Variants in ASAP1 observed in about 807,000 individuals in gnomAD.
ASAP1 encodes arf-GAP with SH3 domain, ANK repeat and PH domain-containing protein 1.
In ASAP1, 43 loss-of-function variants were observed where a neutral mutation model predicts 145.2. That is an observed-to-expected ratio of 0.30 (90% CI 0.23 to 0.38). The LOEUF is 0.38. Ranked by LOEUF, ASAP1 falls within the 10% of genes least tolerant of loss-of-function variation. ASAP1 has a pLI of 1.00. For synonymous variants in ASAP1, 546 were observed against 515.5 expected (o/e 1.06, Z -0.80); for missense variants, 1,018 against 1,355.3 (o/e 0.75, Z 3.91).
chr8:130,435,491 G>C (rs970179716), intron 1 of ASAP1, among the ~76,000 whole-genome samples: 8 of 152,208 alleles, frequency 5.3e-5, no homozygotes, highest in African/African-American at 1.9e-4. Context: ...CTCAGTAAGT[G>C]CTTGCTGATA....
chr8:130,140,370 T>TA (rs1378062106), intron 13 of ASAP1, among the ~76,000 whole-genome samples: 4 of 150,826 alleles, frequency 2.7e-5, no homozygotes, highest in Middle Eastern at 3.4e-3. Context: ...CTTTTTTTTT[T>TA]AAAAAAAAAC....
At chr8:130,132,157 A>G (rs1048936001) in intron 15 of ASAP1, among the ~76,000 whole-genome samples, 1 of 152,212 alleles carries the variant, frequency 6.6e-6, no homozygotes, top group Non-Finnish European at 1.5e-5. Flanking sequence ...TAGGACTGTT[A>G]CCATGGGCAC....
At chr8:130,067,776 G>A (rs112695620) in intron 27 of ASAP1, among the ~76,000 whole-genome samples, 6 of 152,272 alleles carry the variant, frequency 3.9e-5, no homozygotes, top group South Asian at 2.1e-4. Context: ...CAAAAGGAAC[G>A]GTGATAAAAG....
chr8:130,057,889 A>G (rs2097407700), intron 29 of ASAP1, 65 bp downstream of exon 29: 4 of 1,595,440 alleles, frequency 2.5e-6, no homozygotes, highest in East Asian at 2.3e-5. Flanking sequence ...GTAGGCTCCA[A>G]TGTGGTGCCT....
At chr8:130,144,813 C>T (rs934207845) in intron 13 of ASAP1, among the ~76,000 whole-genome samples, 1 of 152,158 alleles carries the variant, frequency 6.6e-6, no homozygotes, top group African/African-American at 2.4e-5. Flanking sequence ...TTTTGTCAAA[C>T]ATTTATCACT....
chr8:130,091,883 T>C, intron 25 of ASAP1, 90 bp downstream of exon 25: 1 of 1,369,442 alleles, frequency 7.3e-7, no homozygotes, highest in Non-Finnish European at 9.7e-7. Flanking sequence ...TTTGGCACAC[T>C]TTCTGAATGT....
chr8:130,431,044 T>G (rs1830118049), intron 1 of ASAP1, among the ~76,000 whole-genome samples: 1 of 152,196 alleles, frequency 6.6e-6, no homozygotes, highest in African/African-American at 2.4e-5. Context: ...ATCAGGAGGC[T>G]GAGGAGGTGA....
chr8:130,315,828 A>G (rs149981090), intron 3 of ASAP1, among the ~76,000 whole-genome samples: 1 of 152,300 alleles, frequency 6.6e-6, no homozygotes, highest in East Asian at 1.9e-4. Context: ...CTGCCCATCC[A>G]TCATTCCCAT....
rs1347546794 is a variant in ASAP1, at chr8:130,419,980, G to A, written c.-27-18010C>T. 3.3e-5 allele frequency among the ~76,000 whole-genome samples: 5 copies of A among 150,888 alleles called. No individual in the cohort carries two copies. In the East Asian group the frequency reaches 9.7e-4, roughly 29 times the overall value. ...CTTTTTTTTTTTTTTAATAGAGATGGGGGTCTTGCTATGTTTACCAGGCTG... is the reference window on the plus strand; with the variant it reads ...CTTTTTTTTTTTTTTAATAGAGATGAGGGTCTTGCTATGTTTACCAGGCTG... On this transcript the variant is annotated intron_variant, in intron 1 of 29. Transcript: ENST00000518721.
At chr8:130,194,691 G>C (rs2136272320) in intron 5 of ASAP1, among the ~76,000 whole-genome samples, 1 of 152,320 alleles carries the variant, frequency 6.6e-6, no homozygotes, top group Middle Eastern at 3.4e-3. Flanking sequence ...CTCATAAAGA[G>C]TGTTCAACCT....
intron 24 of ASAP1, among the ~76,000 whole-genome samples, chr8:130,105,127 T>C (rs757771648): frequency 6.6e-6 from 1 of 152,230 alleles, no homozygotes; most frequent in Non-Finnish European, 1.5e-5. Flanking sequence ...TGGACCTTTG[T>C]ATCTGGGAGT....
intron 3 of ASAP1, among the ~76,000 whole-genome samples, chr8:130,300,155 G>C (rs2912192): frequency 0.32 from 23,229 of 71,724 alleles, 1,960 homozygotes; most frequent in African/African-American, 0.35. Flanking sequence ...CACACACACA[G>C]AGAGAGAGAG....
chr8:130,390,696 T>C (rs1828237219), intron 2 of ASAP1, among the ~76,000 whole-genome samples: 1 of 152,202 alleles, frequency 6.6e-6, no homozygotes, highest in African/African-American at 2.4e-5. Flanking sequence ...GAAAATGGAA[T>C]GTCCTCGCTA....
chr8:130,245,579 C>T (rs569427287), intron 3 of ASAP1, among the ~76,000 whole-genome samples: 1 of 152,296 alleles, frequency 6.6e-6, no homozygotes, highest in South Asian at 2.1e-4. Context: ...TATCAACTTC[C>T]CAAGCCAAAG....
At chr8:130,108,936 C>A (rs6996001) in intron 24 of ASAP1, among the ~76,000 whole-genome samples, 4 of 151,658 alleles carry the variant, frequency 2.6e-5, no homozygotes, top group Non-Finnish European at 4.4e-5. Context: ...CCACTACGCC[C>A]GGCTCATTTT....
intron 22 of ASAP1, 32 bp downstream of exon 22, chr8:130,116,646 C>T: frequency 2.5e-6 from 4 of 1,590,182 alleles, no homozygotes; most frequent in Non-Finnish European, 3.5e-6. Context: ...CAGCCAATGT[C>T]TAATAAATCT....
chr8:130,381,393 A>G (rs1334262988), intron 2 of ASAP1, among the ~76,000 whole-genome samples: 1 of 152,180 alleles, frequency 6.6e-6, no homozygotes, highest in Non-Finnish European at 1.5e-5. Context: ...ACATGGATTG[A>G]AAGAAAAATT....
intron 11 of ASAP1, among the ~76,000 whole-genome samples, chr8:130,164,128 C>T (rs991069441): frequency 2.0e-5 from 3 of 152,140 alleles, no homozygotes; most frequent in Non-Finnish European, 4.4e-5. Context: ...GACCAGGCTA[C>T]AGGACAGATA....
At chr8:130,270,088 T>C (rs1227289628) in intron 3 of ASAP1, among the ~76,000 whole-genome samples, 4 of 152,180 alleles carry the variant, frequency 2.6e-5, no homozygotes, top group Non-Finnish European at 5.9e-5. Context: ...AAGAATCGCT[T>C]GAACTTGGGA....
Sources: allele counts gnomAD v4.1 joint callset (sites outside exome capture counted in the v4.1 genomes callset), GRCh38; gene constraint gnomAD v4.1.1; transcripts MANE v1.5; gene names NCBI Gene and HGNC (gene_info 2026-07-23, HGNC 2026-07-21).